Variants in NUMB observed in about 807,000 individuals in gnomAD.
The protein encoded by NUMB is protein numb homolog.
NUMB carries 29 observed loss-of-function variants against 59.7 expected under a neutral mutation model. That is an observed-to-expected ratio of 0.49 (90% confidence interval 0.36 to 0.66). NUMB has a LOEUF of 0.66. Among genes scored for constraint, NUMB ranks in the 30% least tolerant of loss-of-function variants. The pLI, the probability that NUMB is intolerant of heterozygous loss-of-function variation, is 0.00. For synonymous variants in NUMB, 288 were observed against 288.2 expected (o/e 1.00, Z 0.01); for missense variants, 723 against 822.0 (o/e 0.88, Z 1.47).
intron 1 of NUMB, among the ~76,000 whole-genome samples, chr14:73,437,317 A>C (rs1898101344): frequency 6.6e-6 from 1 of 152,194 alleles, no homozygotes; most frequent in Non-Finnish European, 1.5e-5. Context: ...GATTACAGGC[A>C]TAAGCCATCA....
chr14:73,412,777 G>A (rs1896955532), intron 1 of NUMB, among the ~76,000 whole-genome samples: 1 of 151,712 alleles, frequency 6.6e-6, no homozygotes, highest in Non-Finnish European at 1.5e-5. Flanking sequence ...CTACAGACAT[G>A]TGCCACCATG....
intron 1 of NUMB, among the ~76,000 whole-genome samples, chr14:73,418,077 C>T (rs1302203049): frequency 6.6e-6 from 1 of 151,950 alleles, no homozygotes; most frequent in East Asian, 1.9e-4. Flanking sequence ...TGTACTCCAG[C>T]CTGGGTGACA....
intron 2 of NUMB, among the ~76,000 whole-genome samples, chr14:73,367,348 T>TGGAGAG (rs1894410027): frequency 9.5e-6 from 1 of 105,328 alleles, no homozygotes; most frequent in African/African-American, 5.0e-5. Flanking sequence ...TATATATATA[T>TGGAGAG]AGAGAGAGAG....
chr14:73,359,590 C>T (rs2140030473), intron 3 of NUMB, among the ~76,000 whole-genome samples: 1 of 152,264 alleles, frequency 6.6e-6, no homozygotes, highest in Non-Finnish European at 1.5e-5. Flanking sequence ...ACTTTTTACA[C>T]TAGCTTTCCT....
intron 5 of NUMB, among the ~76,000 whole-genome samples, chr14:73,320,455 A>C (rs1891343942): frequency 6.6e-6 from 1 of 151,842 alleles, no homozygotes; most frequent in South Asian, 2.1e-4. Flanking sequence ...CTGGTCTTGA[A>C]CTCCTGGCTT....
At chr14:73,404,381 A>C (rs1255127857) in intron 2 of NUMB, among the ~76,000 whole-genome samples, 2 of 152,156 alleles carry the variant, frequency 1.3e-5, no homozygotes, top group East Asian at 3.8e-4. Flanking sequence ...GTTACAGGAA[A>C]AAATAGTTTG....
At chr14:73,375,262 A>G (rs971973646) in intron 2 of NUMB, among the ~76,000 whole-genome samples, 2 of 152,208 alleles carry the variant, frequency 1.3e-5, no homozygotes, top group Non-Finnish European at 2.9e-5. Flanking sequence ...ATAATCACAG[A>G]TAACATTTCA....
intron 4 of NUMB, among the ~76,000 whole-genome samples, chr14:73,335,179 G>C (rs1440773364): frequency 6.6e-6 from 1 of 151,468 alleles, no homozygotes; most frequent in Admixed American, 6.6e-5. Flanking sequence ...TATGATCTCT[G>C]AGTTACCTGT....
intron 1 of NUMB, among the ~76,000 whole-genome samples, chr14:73,421,674 T>C (rs969507559): frequency 1.1e-4 from 16 of 152,126 alleles, no homozygotes; most frequent in African/African-American, 3.1e-4. Flanking sequence ...CCATTAGTAA[T>C]AGGATTTTCT....
At chr14:73,281,813 C>A (rs1236882066) in intron 11 of NUMB, among the ~76,000 whole-genome samples, 2 of 152,084 alleles carry the variant, frequency 1.3e-5, no homozygotes, top group African/African-American at 4.8e-5. Context: ...AACATTGGCA[C>A]CACTGACATT....
rs565772720 is a variant in NUMB, at chr14:73,314,469, AC to A, written c.234+1920del. On this transcript the variant is annotated intron_variant, in intron 6 of 12. Transcript: ENST00000555238. ...CAAAAAAAAATGCAGTGAAAAAGCT[AC>A]CCAACACAGTGTGATCCAGCTCAGC... Among the ~76,000 whole-genome samples the A allele has an allele frequency of 2.4e-4, 37 of 152,244 alleles. 1 individual carries two copies. In the South Asian group the frequency reaches 5.6e-3, roughly 23 times the overall value.
intron 2 of NUMB, among the ~76,000 whole-genome samples, chr14:73,367,346 T>TAG (rs1288750867): frequency 1.9e-3 from 175 of 91,248 alleles, no homozygotes; most frequent in African/African-American, 7.3e-3. Context: ...TATATATATA[T>TAG]ATAGAGAGAG....
At position 73,406,099 on chromosome 14, in the gene NUMB, T is replaced by TG. The variant is rs1420066453; in HGVS notation, c.-101+3837_-101+3838insC. On this transcript the variant is annotated intron_variant, in intron 2 of 12. Transcript: ENST00000555238. ...GAATATTAACATATTTTTGTTTTTT[T>TG]TTTTTTTTATTATACTTTAAGTTCT... is the stretch of plus-strand genomic sequence containing the variant. 2.1e-3 allele frequency among the ~76,000 whole-genome samples: 197 copies of TG among 93,556 alleles called. 5 individuals are homozygous for TG. Among genetic ancestry groups the TG allele is most frequent in the Admixed American group, 1.3e-3 (8 of 6,360 alleles). 61.4% of individuals were successfully genotyped at this position (93,556 alleles called of 152,430 possible). A position where few individuals can be genotyped will look rare whatever the true frequency, so the allele number is the denominator to read the frequency against.
At chr14:73,350,078 T>TACACACACACACACACACACACACAC (rs71112732) in intron 4 of NUMB, among the ~76,000 whole-genome samples, 2 of 137,692 alleles carry the variant, frequency 1.5e-5, no homozygotes, top group African/African-American at 5.8e-5. Flanking sequence ...CATACATACA[T>TACACACACACACACACACACACACAC]ACACACACAC....
chr14:73,302,759 T>C (rs1330333938), intron 6 of NUMB, among the ~76,000 whole-genome samples: 1 of 152,054 alleles, frequency 6.6e-6, no homozygotes, highest in African/African-American at 2.4e-5. Flanking sequence ...TCTGACCATA[T>C]AAACTAAGAT....
chr14:73,350,792 G>A (rs902883460), intron 4 of NUMB, among the ~76,000 whole-genome samples: 3 of 151,358 alleles, frequency 2.0e-5, no homozygotes, highest in African/African-American at 7.3e-5. Context: ...GCCTCCCAAA[G>A]TGTTGAGATT....
intron 1 of NUMB, among the ~76,000 whole-genome samples, chr14:73,456,703 C>G (rs571264472): frequency 6.6e-6 from 1 of 152,146 alleles, no homozygotes. Context: ...GGCAATTTGC[C>G]TCTACCTGTC....
At chr14:73,287,366 A>G in intron 8 of NUMB, 52 bp from the exon 9 acceptor site, 1 of 1,404,352 alleles carries the variant, frequency 7.1e-7, no homozygotes, top group Non-Finnish European at 9.8e-7. Flanking sequence ...TAACAATTAC[A>G]TACAAATAAG....
At chr14:73,310,657 T>C (rs1368326703) in intron 6 of NUMB, among the ~76,000 whole-genome samples, 1 of 152,220 alleles carries the variant, frequency 6.6e-6, no homozygotes, top group Non-Finnish European at 1.5e-5. Context: ...GTTTATTCAT[T>C]TGTAAAATGC....
Sources: gnomAD v4.1 joint callset for allele counts (sites outside exome capture counted in the v4.1 genomes callset) on GRCh38, gnomAD v4.1.1 for gene constraint, MANE v1.5 for transcripts, NCBI Gene and HGNC (gene_info 2026-07-23, HGNC 2026-07-21) for gene names.